The following OMA1 variants were observed in gnomAD, a reference collection of about 807,000 sequenced individuals.
The protein encoded by OMA1 is OMA1 zinc metallopeptidase.
A neutral mutation model predicts 30.9 loss-of-function variants in OMA1; 38 were observed. The ratio of observed to expected loss-of-function variants is 1.23; its 90% confidence interval spans 0.95 to 1.61. The LOEUF (loss-of-function observed/expected upper bound fraction) is 1.61, where lower values mean the gene tolerates loss of function less well. OMA1 is among the 40% of genes most tolerant of loss of function. OMA1 has a pLI of 0.00. For missense variants in OMA1, 461 were observed against 349.2 expected (o/e 1.32, Z -2.55); for synonymous variants, 173 against 121.9 (o/e 1.42, Z -2.76).
rs1226873575 is a variant in OMA1, at chr1:58,533,984, T to C, written c.980A>G (p.His327Arg). Residue 327 changes from histidine to arginine, a missense_variant, in exon 5 of 9, where the codon CAT becomes CGT. Coordinates refer to ENST00000371226, the MANE Select transcript of OMA1 (RefSeq NM_145243.5). ...CCCAAGTACTGCATGTGCTATTTCA[T>C]GGCCCAGAAGGAAAGAAAGTTGATG... is the stretch of plus-strand genomic sequence containing the variant. The part of the protein sequence containing the change: ...DIHQLSFLLG[H>R]EIAHAVLGHA... The C allele has an allele frequency of 3.4e-6, 3 of 872,010 alleles. No homozygotes were observed. Among genetic ancestry groups the C allele is most frequent in the African/African-American group, 3.3e-5 (2 of 61,304 alleles). The allele number at this position is 872,010 out of a possible 1,614,324, so 54.0% of individuals were successfully genotyped here. A position where few individuals can be genotyped will look rare whatever the true frequency, so the allele number is the denominator to read the frequency against.
chr1:58,481,622 A>G (rs1170865344), intron 8 of OMA1, among the ~76,000 whole-genome samples: 1 of 152,184 alleles, frequency 6.6e-6, no homozygotes, highest in Non-Finnish European at 1.5e-5. Flanking sequence ...AAAATTGATG[A>G]TAATAACCTA....
intron 8 of OMA1, among the ~76,000 whole-genome samples, chr1:58,491,146 T>A (rs545488706): frequency 3.9e-5 from 6 of 152,064 alleles, no homozygotes; most frequent in African/African-American, 1.4e-4. Flanking sequence ...AACCCAGAAT[T>A]TCATATCCAG....
intron 8 of OMA1, among the ~76,000 whole-genome samples, chr1:58,501,667 G>A (rs1645908259): frequency 1.3e-5 from 2 of 152,074 alleles, no homozygotes; most frequent in South Asian, 4.1e-4. Flanking sequence ...AACCTTCTTT[G>A]ACTGCTGAAG....
intron 8 of OMA1, among the ~76,000 whole-genome samples, chr1:58,486,432 CT>C (rs1310464917): frequency 6.6e-6 from 1 of 152,172 alleles, no homozygotes; most frequent in Admixed American, 6.5e-5. Flanking sequence ...GTCCTACATG[CT>C]AAATTTCTAT....
chr1:58,528,001 G>A (rs192059583), intron 6 of OMA1, among the ~76,000 whole-genome samples: 80 of 152,306 alleles, frequency 5.3e-4, no homozygotes, highest in African/African-American at 1.8e-3. Context: ...TGAATCAATA[G>A]GCAGGACTTT....
chr1:58,491,193 A>C (rs1249626386), intron 8 of OMA1, among the ~76,000 whole-genome samples: 2 of 152,084 alleles, frequency 1.3e-5, no homozygotes, highest in Admixed American at 6.5e-5. Flanking sequence ...GAAATAAAAT[A>C]CTTTACAGAC....
chr1:58,493,701 A>G (rs1430849387), intron 8 of OMA1, among the ~76,000 whole-genome samples: 1 of 151,812 alleles, frequency 6.6e-6, no homozygotes. Flanking sequence ...CTAGGAATCC[A>G]ACTTACAAGG....
chr1:58,515,265 G>A (rs114617382), intron 7 of OMA1, among the ~76,000 whole-genome samples: 322 of 152,162 alleles, frequency 2.1e-3, no homozygotes, highest in African/African-American at 7.4e-3. Flanking sequence ...CTCAGCATTT[G>A]CCAATCCCTC....
At chr1:58,485,228 TAAAAAAAAA>T (rs71043289) in intron 8 of OMA1, among the ~76,000 whole-genome samples, 5 of 42,060 alleles carry the variant, frequency 1.2e-4, no homozygotes, top group African/African-American at 3.9e-4. Flanking sequence ...AGTCTACTAC[TAAAAAAAAA>T]AAAAAAAAAA....
At chr1:58,531,046 T>C (rs527487449) in intron 5 of OMA1, among the ~76,000 whole-genome samples, 6 of 152,218 alleles carry the variant, frequency 3.9e-5, no homozygotes, top group Non-Finnish European at 8.8e-5. Flanking sequence ...CATTTATAGA[T>C]AATGAAACTG....
chr1:58,480,859 T>G lies in OMA1; in HGVS notation c.*106A>C, dbSNP rs1645467468. On this transcript the variant is annotated 3_prime_UTR_variant, in exon 9 of 9. Transcript: ENST00000371226. ...ATCTGTAATGTACATGATTTGACCC[T>G]GAATATCCTTTTTTTTTTCACTTCA... The G allele has an allele frequency of 1.5e-6, 1 of 671,760 alleles. No homozygotes were observed. Among genetic ancestry groups the G allele is most frequent in the Non-Finnish European group, 2.5e-6 (1 of 402,610 alleles). The allele number at this position is 671,760 out of a possible 1,614,324, so 41.6% of individuals were successfully genotyped here.
At chr1:58,485,950 G>T (rs1255875930) in intron 8 of OMA1, among the ~76,000 whole-genome samples, 1 of 152,176 alleles carries the variant, frequency 6.6e-6, no homozygotes, top group Non-Finnish European at 1.5e-5. Flanking sequence ...TTAATAGCAA[G>T]AATATATGGT....
chr1:58,506,696 TATA>T (rs900762144), intron 7 of OMA1, among the ~76,000 whole-genome samples: 3 of 152,180 alleles, frequency 2.0e-5, no homozygotes, highest in Non-Finnish European at 4.4e-5. Flanking sequence ...AGTTTTAAAA[TATA>T]ATGTTATTAA....
intron 7 of OMA1, among the ~76,000 whole-genome samples, chr1:58,517,959 G>T (rs1047317480): frequency 6.6e-6 from 1 of 151,466 alleles, no homozygotes; most frequent in Non-Finnish European, 1.5e-5. Context: ...GGCCAAAGTG[G>T]GTGGGTCACC....
In OMA1 at chr1:58,523,942, T is replaced by C. The variant is rs1008440558; in HGVS notation, c.1215+3319A>G. 2.6e-5 allele frequency among the ~76,000 whole-genome samples: 4 copies of C among 152,082 alleles called. No homozygotes were observed. In the South Asian group the frequency reaches 6.2e-4, roughly 24 times the overall value. ...CTGGCAGCCTTTACTGGCAAGATAA[T>C]TCTTAACTTTAGGAACAAAGCATGG... On this transcript the variant is annotated intron_variant, in intron 7 of 8. Transcript: ENST00000371226.
At chr1:58,523,421 T>C (rs1646297984) in intron 7 of OMA1, among the ~76,000 whole-genome samples, 1 of 152,208 alleles carries the variant, frequency 6.6e-6, no homozygotes. Flanking sequence ...CGGGGTTCTC[T>C]TCAATAGCAG....
intron 8 of OMA1, among the ~76,000 whole-genome samples, chr1:58,489,330 G>A (rs1205138519): frequency 6.6e-6 from 1 of 152,212 alleles, no homozygotes; most frequent in Non-Finnish European, 1.5e-5. Flanking sequence ...TACGCCCACA[G>A]AGCCTCGCTC....
chr1:58,532,063 T>C (rs17117666), intron 5 of OMA1, among the ~76,000 whole-genome samples: 2,815 of 152,252 alleles, frequency 0.018, 56 homozygotes, highest in East Asian at 0.12. Flanking sequence ...GAAGTTGTTA[T>C]AGAAGAGAAA....
intron 8 of OMA1, among the ~76,000 whole-genome samples, chr1:58,482,752 C>A (rs541600769): frequency 2.6e-5 from 4 of 152,132 alleles, no homozygotes; most frequent in Admixed American, 2.6e-4. Context: ...AAAAATCATT[C>A]CAAGAGGGAG....
Sources: allele counts gnomAD v4.1 joint callset (sites outside exome capture counted in the v4.1 genomes callset), GRCh38; gene constraint gnomAD v4.1.1; transcripts MANE v1.5; gene names NCBI Gene and HGNC (gene_info 2026-07-23, HGNC 2026-07-21).